The following ADGRL2 variants were observed in gnomAD, a reference collection of about 807,000 sequenced individuals.
The protein encoded by ADGRL2 is adhesion G protein-coupled receptor L2.
ADGRL2 carries 44 observed loss-of-function variants against 157.4 expected under a neutral mutation model. The ratio of observed to expected loss-of-function variants is 0.28; its 90% CI spans 0.22 to 0.36. ADGRL2 has a LOEUF of 0.36. Among genes scored for constraint, ADGRL2 ranks in the 10% least tolerant of loss-of-function variants. ADGRL2 has a pLI of 1.00. For missense variants in ADGRL2, 1,510 were observed against 1,768.9 expected (o/e 0.85, Z 2.63); for synonymous variants, 585 against 624.7 (o/e 0.94, Z 0.95).
At chr1:81,769,040 G>C (rs557136169) in intron 2 of ADGRL2, among the ~76,000 whole-genome samples, 2 of 152,166 alleles carry the variant, frequency 1.3e-5, no homozygotes, top group East Asian at 1.9e-4. Context: ...TAGAGATCGC[G>C]GCACTGCACT....
chr1:81,621,303 C>G (rs933589387), intron 3 of ADGRL2, among the ~76,000 whole-genome samples: 5 of 152,084 alleles, frequency 3.3e-5, no homozygotes, highest in Non-Finnish European at 7.4e-5. Context: ...GTCTCCATGC[C>G]CCAGTGTTAC....
chr1:81,381,678 G>A (rs999816074), intron 1 of ADGRL2, among the ~76,000 whole-genome samples: 1 of 152,068 alleles, frequency 6.6e-6, no homozygotes, highest in African/African-American at 2.4e-5. Flanking sequence ...ACATAAACAT[G>A]TTATTTATGT....
intron 1 of ADGRL2, among the ~76,000 whole-genome samples, chr1:81,714,420 T>G (rs2084039150): frequency 6.6e-6 from 1 of 152,204 alleles, no homozygotes; most frequent in South Asian, 2.1e-4. Context: ...TTTCTTTATT[T>G]TAAAATACTG....
At chr1:81,596,804 A>G (rs1007908112) in intron 3 of ADGRL2, among the ~76,000 whole-genome samples, 1 of 152,040 alleles carries the variant, frequency 6.6e-6, no homozygotes, top group Non-Finnish European at 1.5e-5. Flanking sequence ...GAGGTAACAC[A>G]CAGGATTAAG....
At chr1:81,784,073 G>A (rs1156706729) in intron 2 of ADGRL2, among the ~76,000 whole-genome samples, 1 of 152,074 alleles carries the variant, frequency 6.6e-6, no homozygotes, top group Non-Finnish European at 1.5e-5. Context: ...CTGAACTTGG[G>A]TGGTCTCAAT....
At chr1:81,985,125 A>C in intron 20 of ADGRL2, 134 bp from the exon 21 acceptor site, 1 of 506,784 alleles carries the variant, frequency 2.0e-6, no homozygotes, top group Non-Finnish European at 3.6e-6. Context: ...TTAGACCAGA[A>C]AAAACACACA....
chr1:81,941,999 T>C (rs1168824647), intron 4 of ADGRL2, 35 bp from the exon 5 acceptor site: 1 of 760,648 alleles, frequency 1.3e-6, no homozygotes, highest in Admixed American at 1.8e-5. Flanking sequence ...TCCTTGCACC[T>C]TTTTTATTTT....
At chr1:81,358,277 T>A (rs143497192) in intron 1 of ADGRL2, among the ~76,000 whole-genome samples, 1 of 152,282 alleles carries the variant, frequency 6.6e-6, no homozygotes, top group East Asian at 1.9e-4. Flanking sequence ...ATGAGAATAT[T>A]TTTCCCACAT....
Position 81,502,760 on chromosome 1 carries a change from A to T in ADGRL2, c.-248+57671A>T. The stretch of plus-strand genomic sequence containing the variant: ...GCAGCAATTGATGGCAACCGCAGGG[A>T]GAGCCGGCGGCCCAGCTACAGCTCC... On this transcript the variant is annotated intron_variant, in intron 2 of 24. Transcript: ENST00000370721. 3 of 1,613,530 alleles carry T rather than the reference A, an allele frequency of 1.9e-6. 1 individual carries two copies. In the South Asian group the frequency reaches 3.3e-5, roughly 18 times the overall value.
chr1:81,323,603 G>A (rs894952251), intron 1 of ADGRL2, among the ~76,000 whole-genome samples: 2 of 151,942 alleles, frequency 1.3e-5, no homozygotes, highest in African/African-American at 4.8e-5. Context: ...TTCAAGAGGA[G>A]AAGATAGACT....
At chr1:81,320,143 C>G (rs1292377880) in intron 1 of ADGRL2, among the ~76,000 whole-genome samples, 5 of 152,204 alleles carry the variant, frequency 3.3e-5, no homozygotes, top group Admixed American at 3.3e-4. Flanking sequence ...AAACCAATTT[C>G]TTTGCTCATC....
chr1:81,546,636 T>C (rs1192099219), intron 2 of ADGRL2, among the ~76,000 whole-genome samples: 1 of 152,268 alleles, frequency 6.6e-6, no homozygotes, highest in Non-Finnish European at 1.5e-5. Flanking sequence ...AAGTTATTTC[T>C]GTTACATTGT....
chr1:81,943,480 G>A lies in ADGRL2; in HGVS notation c.921G>A (p.Glu307=), dbSNP rs2148958336. Residue 307 remains glutamate (E), a synonymous_variant, in exon 6 of 24, where the codon GAG becomes GAA. Coordinates refer to ENST00000686636, the MANE Select transcript of ADGRL2 (RefSeq NM_001366006.2). The surrounding 1 kb of genome is among the most constrained non-coding windows in gnomAD (Gnocchi z 5.6). ...PYTLRFEATW[E]TVYDKRAASN... ...CTCTTCGATTTGAAGCAACGTGGGA[G>A]ACTGTATACGACAAACGTGCCGCAT... is the stretch of plus-strand genomic sequence containing the variant. 1 of 1,613,772 alleles carries A rather than the reference G, an allele frequency of 6.2e-7. No homozygotes were observed. The highest frequency in any genetic ancestry group is 2.2e-5 in the East Asian group (1 of 44,858).
intron 2 of ADGRL2, among the ~76,000 whole-genome samples, chr1:81,872,322 T>A (rs1224306082): frequency 6.6e-6 from 1 of 152,212 alleles, no homozygotes; most frequent in East Asian, 1.9e-4. Flanking sequence ...CATGCTGTTT[T>A]GGTAACTGTA....
At chr1:81,838,805 T>G (rs2092411002) in intron 2 of ADGRL2, among the ~76,000 whole-genome samples, 2 of 152,078 alleles carry the variant, frequency 1.3e-5, no homozygotes, top group Admixed American at 6.6e-5. Context: ...TTCAGTGTCA[T>G]CTATCAGGTC....
At position 81,484,823 on chromosome 1, in the gene ADGRL2, A is replaced by G. The variant is rs145238749; in HGVS notation, c.-248+39734A>G. Among the ~76,000 whole-genome samples, 18 of 152,258 alleles carry G rather than the reference A, an allele frequency of 1.2e-4. No homozygotes were observed. The East Asian group carries it at 3.3e-3, about 28-fold the overall frequency. On this transcript the variant is annotated intron_variant, in intron 2 of 24. Coordinates refer to the ADGRL2 transcript ENST00000370721. The stretch of plus-strand genomic sequence containing the variant: ...AATATCATTTATTTGTTCCATTGAT[A>G]CTGGAGGATTTACATACCTCAGGTA...
intron 1 of ADGRL2, among the ~76,000 whole-genome samples, chr1:81,745,767 A>G (rs1369696846): frequency 6.6e-6 from 1 of 152,184 alleles, no homozygotes; most frequent in Non-Finnish European, 1.5e-5. Context: ...TGCTCATTGA[A>G]TATTTTATTA....
At chr1:81,632,064 T>G (rs556225121) in intron 3 of ADGRL2, among the ~76,000 whole-genome samples, 3 of 152,236 alleles carry the variant, frequency 2.0e-5, no homozygotes, top group African/African-American at 4.8e-5. Flanking sequence ...AATCATTCAT[T>G]TATTTATTCA....
At chr1:81,404,281 T>C (rs1007055501) in intron 1 of ADGRL2, among the ~76,000 whole-genome samples, 7 of 152,214 alleles carry the variant, frequency 4.6e-5, no homozygotes, top group Non-Finnish European at 7.3e-5. Context: ...CGGTTATCTT[T>C]ACTTTAAAAG....
Sources: allele counts gnomAD v4.1 joint callset (sites outside exome capture counted in the v4.1 genomes callset), GRCh38; gene constraint gnomAD v4.1.1; non-coding constraint Gnocchi (gnomAD v3.1); transcripts MANE v1.5; gene names NCBI Gene and HGNC (gene_info 2026-07-23, HGNC 2026-07-21).